PRPSAP2: variants seen among roughly 807,000 people sequenced by gnomAD.
The protein encoded by PRPSAP2 is phosphoribosyl pyrophosphate synthase-associated protein 2.
In PRPSAP2, 24 loss-of-function variants were observed where a neutral mutation model predicts 40.6. The ratio of observed to expected loss-of-function variants is 0.59; its 90% CI spans 0.43 to 0.83. PRPSAP2 has a LOEUF of 0.83. Ranked by LOEUF, PRPSAP2 falls within the 40% of genes least tolerant of loss-of-function variation. PRPSAP2 has a pLI of 0.00. For synonymous variants in PRPSAP2, 149 were observed against 164.7 expected, an observed-to-expected ratio of 0.90 and a Z score of 0.73; for missense variants, 292 against 465.6, an observed-to-expected ratio of 0.63 and a Z score of 3.43.
intron 8 of PRPSAP2, among the ~76,000 whole-genome samples, chr17:18,893,536 C>T (rs1201485313): frequency 6.6e-6 from 1 of 151,720 alleles, no homozygotes; most frequent in African/African-American, 2.4e-5. Flanking sequence ...AGAAGGATCA[C>T]TTGAGCCCAG....
Position 18,865,795 on chromosome 17 carries a change from C to T in PRPSAP2, c.-32-7C>T, listed in dbSNP as rs1320982301. On this transcript the variant is annotated splice_polypyrimidine_tract_variant and splice_region_variant and intron_variant, in intron 2 of 11. Coordinates refer to ENST00000268835, the MANE Select transcript of PRPSAP2 (RefSeq NM_002767.4). ...GGCAGTTTTTAATAAGTATTATATC[C>T]TTCTAGGCTCTGAAAATTGGAAAAC... is the stretch of plus-strand genomic sequence containing the variant. 2 of 1,430,044 alleles carry T rather than the reference C, an allele frequency of 1.4e-6. No individual in the cohort carries two copies. Among genetic ancestry groups the T allele is most frequent in the Non-Finnish European group, 1.9e-6 (2 of 1,073,342 alleles). The allele number at this position is 1,430,044 out of a possible 1,614,324, so 88.6% of individuals were successfully genotyped here.
chr17:18,904,636 T>G (rs1316073529), intron 8 of PRPSAP2: 1 of 152,220 alleles, frequency 6.6e-6, no homozygotes, highest in Non-Finnish European at 1.5e-5. Context: ...CCAGAGCTAT[T>G]GTTTTGGAGT....
chr17:18,924,032 TCTG>T, intron 10 of PRPSAP2, 48 bp downstream of exon 10: 1 of 1,532,156 alleles, frequency 6.5e-7, no homozygotes. Context: ...CCATTGTTAT[TCTG>T]TTGATTGATT....
At chr17:18,895,285 A>G (rs2039849027) in intron 8 of PRPSAP2, among the ~76,000 whole-genome samples, 1 of 151,578 alleles carries the variant, frequency 6.6e-6, no homozygotes, top group Non-Finnish European at 1.5e-5. Context: ...TTTGTTAGAG[A>G]CGGGGGTCTG....
At chr17:18,897,991 CTTTTTTTTTTT>C (rs71155370) in intron 8 of PRPSAP2, among the ~76,000 whole-genome samples, 2 of 116,332 alleles carry the variant, frequency 1.7e-5, no homozygotes, top group South Asian at 3.5e-4. Flanking sequence ...AGAATTTTTG[CTTTTTTTTTTT>C]TTTTTTTTTT....
chr17:18,859,733 T>C (rs925078168), intron 1 of PRPSAP2: 1 of 152,190 alleles, frequency 6.6e-6, no homozygotes, highest in African/African-American at 2.4e-5. Flanking sequence ...CTAATAAACA[T>C]ACATAATAAG....
At chr17:18,871,283 G>A (rs895888158) in intron 4 of PRPSAP2, among the ~76,000 whole-genome samples, 2 of 152,122 alleles carry the variant, frequency 1.3e-5, no homozygotes, top group Non-Finnish European at 2.9e-5. Context: ...GCCTCCCAAA[G>A]TTCTGGTATT....
At chr17:18,877,352 A>G (rs1693006801) in intron 5 of PRPSAP2, among the ~76,000 whole-genome samples, 3 of 152,038 alleles carry the variant, frequency 2.0e-5, no homozygotes, top group Admixed American at 1.3e-4. Context: ...AGGAGAGAGA[A>G]TTCCTTACAT....
At chr17:18,914,776 A>G (rs185501095) in intron 9 of PRPSAP2, among the ~76,000 whole-genome samples, 8 of 150,716 alleles carry the variant, frequency 5.3e-5, no homozygotes, top group Non-Finnish European at 8.9e-5. Flanking sequence ...CCAGGCTGGA[A>G]TGCAGTGGTG....
In PRPSAP2 at chr17:18,873,762, C is replaced by A. The variant is rs540187471; in HGVS notation, c.239+1113C>A. Among the ~76,000 whole-genome samples, 4 of 152,244 alleles carry A rather than the reference C, an allele frequency of 2.6e-5. No homozygotes were observed. In the South Asian group the frequency reaches 8.3e-4, roughly 32 times the overall value. ...GTACTGAAGGAATGTGTATTCCTGT[C>A]TGGTGTGACCTTTGACACACCTGTG... On this transcript the variant is annotated intron_variant, in intron 5 of 11. Coordinates refer to ENST00000268835, the MANE Select transcript of PRPSAP2 (RefSeq NM_002767.4).
Position 18,870,093 on chromosome 17 carries a change from C to G in PRPSAP2, c.173-2490C>G, listed in dbSNP as rs917082393. On this transcript the variant is annotated intron_variant, in intron 4 of 11. Coordinates refer to ENST00000268835, the MANE Select transcript of PRPSAP2 (RefSeq NM_002767.4). ...CAAACTTCTGACCTCAAATGATCAT[C>G]CACCTCAGCCTCCCAAACTATTTTC... Among the ~76,000 whole-genome samples, 5 of 151,990 alleles carry G rather than the reference C, an allele frequency of 3.3e-5. No individual in the cohort carries two copies. The East Asian group carries it at 9.7e-4, about 29-fold the overall frequency.
intron 8 of PRPSAP2, chr17:18,908,945 T>TA: frequency 2.8e-6 from 1 of 360,748 alleles, no homozygotes; most frequent in Non-Finnish European, 5.3e-6. Context: ...GGTTTGTTTT[T>TA]ATTCTGTTTT....
At chr17:18,863,240 G>C (rs2037172509) in intron 1 of PRPSAP2, among the ~76,000 whole-genome samples, 1 of 152,042 alleles carries the variant, frequency 6.6e-6, no homozygotes. Flanking sequence ...CTGGGCTCAA[G>C]TGATCCTCCC....
chr17:18,890,581 G>A (rs948759459), intron 8 of PRPSAP2, among the ~76,000 whole-genome samples: 11 of 152,152 alleles, frequency 7.2e-5, no homozygotes, highest in Admixed American at 2.0e-4. Flanking sequence ...CAAAGTGCTG[G>A]GATTACAGGC....
chr17:18,891,558 A>T (rs2039545183), intron 8 of PRPSAP2, among the ~76,000 whole-genome samples: 1 of 152,236 alleles, frequency 6.6e-6, no homozygotes, highest in Non-Finnish European at 1.5e-5. Flanking sequence ...TTTTTCTCTG[A>T]TATACATGCT....
At chr17:18,920,297 C>G (rs1169532213) in intron 9 of PRPSAP2, among the ~76,000 whole-genome samples, 3 of 152,148 alleles carry the variant, frequency 2.0e-5, no homozygotes. Context: ...TGGGAGTGGA[C>G]TCTGGACTGC....
intron 1 of PRPSAP2, chr17:18,861,443 A>C (rs1449045130): frequency 6.6e-6 from 1 of 151,556 alleles, no homozygotes; most frequent in Non-Finnish European, 1.5e-5. Flanking sequence ...CAGCCTGGGC[A>C]ACAAGAGTGA....
At position 18,929,982 on chromosome 17, in the gene PRPSAP2, T is replaced by TG. The variant is rs375163245; in HGVS notation, c.952-549dup. Among the ~76,000 whole-genome samples the TG allele has an allele frequency of 3.8e-3, 580 of 150,720 alleles. 4 individuals carry two copies. The highest frequency in any genetic ancestry group is 0.02 in the South Asian group (96 of 4,762). On this transcript the variant is annotated intron_variant, in intron 11 of 11. Coordinates refer to ENST00000268835, the MANE Select transcript of PRPSAP2 (RefSeq NM_002767.4). The stretch of plus-strand genomic sequence containing the variant: ...ATTTTACATTCCCACAGCCGTGAGT[T>TG]GGGGGGGGGCTCCAGTTTCTCTGCA...
chr17:18,866,075 CTTTTTTTCATCATGTATCT>C lies in PRPSAP2; in HGVS notation c.119+138_119+156del, dbSNP rs977441254. On this transcript the variant is annotated intron_variant, in intron 3 of 11. Coordinates refer to ENST00000268835, the MANE Select transcript of PRPSAP2 (RefSeq NM_002767.4). ...TTTTATAATTATAAAATAATTATAT[CTTTTTTTCATCATGTATCT>C]TTTTTTTCATCATGCAAGATGTTCA... 16 of 658,264 alleles carry C rather than the reference CTTTTTTTCATCATGTATCT, an allele frequency of 2.4e-5. No homozygotes were observed. The Admixed American group carries it at 6.1e-4, about 25-fold the overall frequency. The allele number at this position is 658,264 out of a possible 1,614,324, so 40.8% of individuals were successfully genotyped here.
Sources: allele counts gnomAD v4.1 joint callset (sites outside exome capture counted in the v4.1 genomes callset), GRCh38; gene constraint gnomAD v4.1.1; transcripts MANE v1.5; gene names NCBI Gene and HGNC (gene_info 2026-07-23, HGNC 2026-07-21).